Variants in BTBD9 observed in about 807,000 individuals in gnomAD.
BTBD9 encodes BTB domain containing 9.
In BTBD9, 49 loss-of-function variants were observed where a neutral mutation model predicts 64.3. That is an observed-to-expected ratio of 0.76 (90% CI 0.61 to 0.97). The LOEUF (loss-of-function observed/expected upper bound fraction) is 0.97. Among genes scored for constraint, BTBD9 ranks in the 50% least tolerant of loss-of-function variants. The pLI is 0.00. For synonymous variants in BTBD9, 260 were observed against 274.7 expected (o/e 0.95, Z 0.53); for missense variants, 598 against 762.1 (o/e 0.78, Z 2.53).
rs115255799 is a variant in BTBD9 at position 38,409,115 on chromosome 6, T to G, written c.1155-64022A>C. On this transcript the variant is annotated intron_variant, in intron 6 of 10. Coordinates refer to ENST00000481247, the MANE Select transcript of BTBD9 (RefSeq NM_001099272.2). The stretch of plus-strand genomic sequence containing the variant: ...AAATACAAAAACTAGCCAGGCATGA[T>G]GGCAGGTGCCTGTGATCCCAGGTAC... 3.6e-3 allele frequency among the ~76,000 whole-genome samples: 549 copies of G among 152,284 alleles called. 7 individuals carry two copies. The highest frequency in any genetic ancestry group is 0.013 in the African/African-American group (528 of 41,576).
At chr6:38,629,321 G>A (rs1288047493) in intron 1 of BTBD9, among the ~76,000 whole-genome samples, 1 of 152,168 alleles carries the variant, frequency 6.6e-6, no homozygotes, top group Non-Finnish European at 1.5e-5. Context: ...ATTTACAAAG[G>A]AAAGGCAGAA....
chr6:38,220,519 A>G (rs1763165853), intron 9 of BTBD9, among the ~76,000 whole-genome samples: 1 of 152,180 alleles, frequency 6.6e-6, no homozygotes, highest in Non-Finnish European at 1.5e-5. Context: ...CTTTTACTCA[A>G]CTCTCATAAA....
chr6:38,433,694 A>G (rs1371490265), intron 6 of BTBD9, among the ~76,000 whole-genome samples: 1 of 151,898 alleles, frequency 6.6e-6, no homozygotes, highest in Non-Finnish European at 1.5e-5. Context: ...TTGCTCACAC[A>G]AAGCCTGTTG....
rs1263300766 is a variant in BTBD9 at position 38,171,851 on chromosome 6, A to C, written c.*3134T>G. 137 of 12,664 alleles carry C rather than the reference A, an allele frequency of 0.011. 2 individuals are homozygous for C. Among genetic ancestry groups the C allele is most frequent in the African/African-American group, 0.016 (58 of 3,576 alleles). The allele number at this position is 12,664 out of a possible 1,614,324, so 0.8% of individuals were successfully genotyped here. On this transcript the variant is annotated 3_prime_UTR_variant, in exon 11 of 11. Coordinates refer to ENST00000481247, the MANE Select transcript of BTBD9 (RefSeq NM_001099272.2). The stretch of plus-strand genomic sequence containing the variant: ...TGAAGTTGCCTTTCTACTCTCAAAA[A>C]AAAAAAAAAAAAAAAAAAAAAAAAA...
In BTBD9 at chr6:38,402,330, T is replaced by C. The variant is rs12173720; in HGVS notation, c.1155-57237A>G. 2.5e-3 allele frequency among the ~76,000 whole-genome samples: 374 copies of C among 151,998 alleles called. 14 individuals carry two copies. In the East Asian group the frequency reaches 0.061, roughly 25 times the overall value. ...ATCCCAACACACTTATTTGTAGAAA[T>C]TGACAACCTGATCCTAAAATTCATA... On this transcript the variant is annotated intron_variant, in intron 6 of 10. Transcript: ENST00000481247.
intron 1 of BTBD9, among the ~76,000 whole-genome samples, chr6:38,601,101 T>C (rs1192760820): frequency 6.6e-6 from 1 of 152,144 alleles, no homozygotes; most frequent in Non-Finnish European, 1.5e-5. Flanking sequence ...CTTATTTAAT[T>C]AGTCTAGAAT....
chr6:38,327,379 G>A (rs1562029144), intron 7 of BTBD9, among the ~76,000 whole-genome samples: 1 of 152,118 alleles, frequency 6.6e-6, no homozygotes, highest in Non-Finnish European at 1.5e-5. Context: ...GCAGGAAGGG[G>A]CCAGCAGGTT....
chr6:38,567,973 A>C (rs1775597992), intron 6 of BTBD9, among the ~76,000 whole-genome samples: 1 of 152,216 alleles, frequency 6.6e-6, no homozygotes, highest in South Asian at 2.1e-4. Flanking sequence ...GATTTTAGAG[A>C]GCTAAAGAGA....
At chr6:38,538,054 G>T (rs1327401664) in intron 6 of BTBD9, among the ~76,000 whole-genome samples, 1 of 152,012 alleles carries the variant, frequency 6.6e-6, no homozygotes, top group African/African-American at 2.4e-5. Flanking sequence ...AAAGTCATTG[G>T]GTCTTTTTGA....
intron 10 of BTBD9, among the ~76,000 whole-genome samples, chr6:38,191,331 G>C (rs1485038860): frequency 6.6e-6 from 1 of 152,168 alleles, no homozygotes; most frequent in Non-Finnish European, 1.5e-5. Context: ...TGTGTTCTGG[G>C]GAAATTTTAA....
intron 10 of BTBD9, among the ~76,000 whole-genome samples, chr6:38,190,790 AT>A (rs1762040394): frequency 6.6e-6 from 1 of 152,162 alleles, no homozygotes; most frequent in African/African-American, 2.4e-5. Context: ...AAAGTCCAAG[AT>A]TCTCTTCTTC....
chr6:38,222,047 T>C (rs943471154), intron 9 of BTBD9, among the ~76,000 whole-genome samples: 2 of 151,996 alleles, frequency 1.3e-5, no homozygotes, highest in East Asian at 3.9e-4. Flanking sequence ...ATCTTCCAAA[T>C]ATCCCTACAG....
intron 9 of BTBD9, among the ~76,000 whole-genome samples, chr6:38,197,470 A>G (rs1762303954): frequency 6.6e-6 from 1 of 152,160 alleles, no homozygotes; most frequent in Non-Finnish European, 1.5e-5. Flanking sequence ...TTGACACCTC[A>G]TTTACGTGTC....
rs757813575 is a variant in BTBD9, at chr6:38,288,395, C to T, written c.1331G>A (p.Arg444Gln). The stretch of plus-strand genomic sequence containing the variant: ...AGTGTCCCCATTCAGCAAGGCATTT[C>T]GGCTCCGACTGACTCCTTCAATCAC... Reference protein sequence around the residue: ...ASVIEGVSRSRNALLNGDTKN... With the variant: ...ASVIEGVSRSQNALLNGDTKN... Residue 444 changes from arginine (R) to glutamine (Q), a missense_variant, in exon 8 of 11, where the codon CGA becomes CAA. Arg to Gln is a conservative substitution (Grantham distance 43). Transcript: ENST00000481247. The T allele has an allele frequency of 2.5e-6, 4 of 1,614,120 alleles. No homozygotes were observed. The highest frequency in any genetic ancestry group is 3.4e-6 in the Non-Finnish European group (4 of 1,180,004).
chr6:38,428,087 A>G (rs1768261298), intron 6 of BTBD9, among the ~76,000 whole-genome samples: 1 of 151,902 alleles, frequency 6.6e-6, no homozygotes, highest in East Asian at 1.9e-4. Context: ...CTGAGGGCTG[A>G]AAGTTCTAGG....
At chr6:38,386,462 T>C (rs1424725679) in intron 6 of BTBD9, among the ~76,000 whole-genome samples, 1 of 152,134 alleles carries the variant, frequency 6.6e-6, no homozygotes, top group Non-Finnish European at 1.5e-5. Context: ...AAAGTGAATG[T>C]CTACTGTCAC....
At chr6:38,297,754 A>G (rs1224479203) in intron 7 of BTBD9, among the ~76,000 whole-genome samples, 1 of 151,874 alleles carries the variant, frequency 6.6e-6, no homozygotes, top group Admixed American at 6.6e-5. Flanking sequence ...TGTTATTACT[A>G]ATTTATTTGA....
At chr6:38,623,472 C>T (rs1778067850) in intron 1 of BTBD9, among the ~76,000 whole-genome samples, 1 of 152,216 alleles carries the variant, frequency 6.6e-6, no homozygotes. Context: ...CCTTACTCTA[C>T]AATCCCAAAT....
intron 6 of BTBD9, among the ~76,000 whole-genome samples, chr6:38,491,759 A>C (rs1237263983): frequency 1.3e-5 from 2 of 152,172 alleles, no homozygotes. Context: ...AGGAAGAAAA[A>C]CAAATCCTGA....
Sources: gnomAD v4.1 joint callset for allele counts (sites outside exome capture counted in the v4.1 genomes callset) on GRCh38, gnomAD v4.1.1 for gene constraint, MANE v1.5 for transcripts, NCBI Gene and HGNC (gene_info 2026-07-23, HGNC 2026-07-21) for gene names.